Variants in CAPN5 observed in about 807,000 individuals in gnomAD.
CAPN5 encodes the protein calpain 5, also known as calpain-5.
A neutral mutation model predicts 73.0 loss-of-function variants in CAPN5; 54 were observed. That is an observed-to-expected ratio of 0.74 (90% CI 0.59 to 0.93). The LOEUF (loss-of-function observed/expected upper bound fraction) is 0.93, where lower values mean the gene tolerates loss of function less well. Among genes scored for constraint, CAPN5 ranks in the 40% least tolerant of loss-of-function variants. The probability of loss-of-function intolerance (pLI) is 0.00; values close to 1 mark genes in which losing one functional copy is unlikely to be tolerated. For synonymous variants in CAPN5, 335 were observed against 356.9 expected (o/e 0.94, Z 0.69); for missense variants, 785 against 882.9 (o/e 0.89, Z 1.41).
chr11:77,068,697 C>G (rs1949871533), intron 1 of CAPN5, among the ~76,000 whole-genome samples: 1 of 152,132 alleles, frequency 6.6e-6, no homozygotes, highest in Non-Finnish European at 1.5e-5. Context: ...CTTCTGCTCT[C>G]CTCTGCTCCC....
intron 1 of CAPN5, among the ~76,000 whole-genome samples, chr11:77,083,531 C>T (rs1005310329): frequency 2.6e-5 from 4 of 152,268 alleles, no homozygotes; most frequent in African/African-American, 4.8e-5. Flanking sequence ...CTCACTGAGC[C>T]GCAGTTGTAT....
In CAPN5 at chr11:77,123,709, A is replaced by C. The variant is rs1555043322; in HGVS notation, c.1762A>C (p.Lys588Gln). 6.2e-7 allele frequency: 1 copy of C among 1,613,682 alleles called. No individual in the cohort carries two copies. The highest frequency in any genetic ancestry group is 1.7e-5 in the Admixed American group (1 of 59,990). ...TVQVWNHRVL[K>Q]DEFLGQVHLK... ...CCAGGTCTGGAACCACCGAGTGCTG[A>C]AGGATGAATTTCTGGGCCAGGTGCA... Residue 588 changes from lysine to glutamine, a missense_variant, in exon 13 of 13, where the codon AAG becomes CAG. Physicochemically the swap from Lys to Gln is moderately conservative, Grantham distance 53. Coordinates refer to ENST00000648180, the MANE Select transcript of CAPN5 (RefSeq NM_004055.5).
rs782574101 is a variant in CAPN5 at position 77,112,791 on chromosome 11, A to G, written c.500A>G (p.Tyr167Cys). The G allele has an allele frequency of 6.2e-6, 10 of 1,614,154 alleles. No individual in the cohort carries two copies. In the South Asian group the frequency reaches 9.9e-5, roughly 16 times the overall value. The change falls in exon 4 of 13, where the codon TAT (tyrosine) becomes TGT (cysteine). Residue 167 changes from tyrosine (Y) to cysteine (C), a missense_variant. Tyr to Cys is a radical substitution (Grantham distance 194, BLOSUM62 -2). Transcript: ENST00000648180. ...TGGTGCGCCCTAGTGGAGAAGGCCT[A>G]TGCCAAGTAGGTGCCAGCAGCAGGC... Reference protein sequence around the residue: ...EFWCALVEKAYAKLAGCYQAL... With the variant: ...EFWCALVEKACAKLAGCYQAL...
chr11:77,088,090 G>T, intron 2 of CAPN5: 3 of 1,515,180 alleles, frequency 2.0e-6, no homozygotes, highest in Non-Finnish European at 2.6e-6. Context: ...CCCTGTGGGG[G>T]CAACATCCCC....
intron 3 of CAPN5, among the ~76,000 whole-genome samples, chr11:77,109,876 A>G (rs1950394042): frequency 6.6e-6 from 1 of 152,114 alleles, no homozygotes; most frequent in Admixed American, 6.5e-5. Context: ...GAGTTTGACT[A>G]ATGATCCTCC....
chr11:77,100,195 T>C (rs1950270238), intron 3 of CAPN5, among the ~76,000 whole-genome samples: 1 of 152,204 alleles, frequency 6.6e-6, no homozygotes, highest in Non-Finnish European at 1.5e-5. Flanking sequence ...GAGCTTGCTT[T>C]TCTCCTCTGT....
intron 4 of CAPN5, 26 bp downstream of exon 4, chr11:77,112,823 G>C: frequency 6.2e-7 from 1 of 1,609,904 alleles, no homozygotes. Context: ...AGGCAGGTGG[G>C]TGGGAGGCCC....
intron 1 of CAPN5, among the ~76,000 whole-genome samples, chr11:77,083,223 G>A (rs551371293): frequency 6.6e-6 from 1 of 152,328 alleles, no homozygotes; most frequent in African/African-American, 2.4e-5. Flanking sequence ...TGCAGAGCAG[G>A]GGACAACTGC....
In CAPN5 at chr11:77,116,294, G is replaced by A. The variant is rs782229930; in HGVS notation, c.962G>A (p.Gly321Asp). ...ATGGGTGTGACCGTGCAGGACGACG[G>A]TGAGTTCTGGTGAGTGTGTATGTGC... is the stretch of plus-strand genomic sequence containing the variant. ...EKMGVTVQDDGEFWMTFEDVC... is the reference protein window; with the variant it reads ...EKMGVTVQDDDEFWMTFEDVC... Residue 321 changes from glycine to aspartate, a missense_variant, in exon 7 of 13, where the codon GGT becomes GAT. Coordinates refer to ENST00000648180, the MANE Select transcript of CAPN5 (RefSeq NM_004055.5). The A allele has an allele frequency of 6.2e-7, 1 of 1,612,846 alleles. No individual in the cohort carries two copies. The highest frequency in any genetic ancestry group is 1.7e-5 in the Admixed American group (1 of 59,918).
Position 77,093,735 on chromosome 11 carries a change from G to A in CAPN5, c.219G>A (p.Leu73=), listed in dbSNP as rs200482775. The change falls in exon 3 of 13, where the codon CTG becomes CTA. Residue 73 remains leucine, a synonymous_variant. Transcript: ENST00000648180. ...TGGATGGCATCAGCTCCCACGACCT[G>A]CACCAGGGCCAGGTGGGCAACTGCT... ...LFVDGISSHD[L]HQGQVGNCWF... is the part of the protein sequence containing the mutation. 24 of 1,611,770 alleles carry A rather than the reference G, an allele frequency of 1.5e-5. No homozygotes were observed. The African/African-American group carries it at 2.7e-4, about 18-fold the overall frequency.
At chr11:77,096,566 C>T (rs995853380) in intron 3 of CAPN5, among the ~76,000 whole-genome samples, 8 of 152,250 alleles carry the variant, frequency 5.3e-5, no homozygotes, top group African/African-American at 1.9e-4. Flanking sequence ...ATTTTAGCTT[C>T]CCCGACTTGA....
intron 3 of CAPN5, among the ~76,000 whole-genome samples, chr11:77,112,319 G>A (rs1348500116): frequency 6.6e-6 from 1 of 152,082 alleles, no homozygotes; most frequent in Non-Finnish European, 1.5e-5. Context: ...AAGGTTGCAG[G>A]GAGGCATGAG....
chr11:77,122,200 TAGAG>T (rs1950526289), intron 11 of CAPN5, 151 bp downstream of exon 11: 1 of 582,310 alleles, frequency 1.7e-6, no homozygotes, highest in South Asian at 2.3e-5. Flanking sequence ...GCTGGGCACA[TAGAG>T]AGGAAAAGGT....
intron 4 of CAPN5, among the ~76,000 whole-genome samples, chr11:77,113,510 C>G (rs1171273638): frequency 6.6e-6 from 1 of 152,210 alleles, no homozygotes; most frequent in Non-Finnish European, 1.5e-5. Context: ...TCTCTGGTTC[C>G]TCCTGCTAGG....
intron 1 of CAPN5, among the ~76,000 whole-genome samples, chr11:77,083,489 G>A (rs1387869954): frequency 6.6e-6 from 1 of 152,232 alleles, no homozygotes; most frequent in Non-Finnish European, 1.5e-5. Flanking sequence ...CGGACACCAG[G>A]TTTCCAGGGG....
At chr11:77,099,220 G>T (rs1950254548) in intron 3 of CAPN5, among the ~76,000 whole-genome samples, 2 of 92,436 alleles carry the variant, frequency 2.2e-5, no homozygotes, top group Non-Finnish European at 4.2e-5. Flanking sequence ...ATGGCGGCCG[G>T]GCGGAGACGC....
intron 4 of CAPN5, 116 bp from the exon 5 acceptor site, chr11:77,114,126 C>T (rs1396008660): frequency 4.4e-6 from 4 of 901,096 alleles, no homozygotes; most frequent in Admixed American, 1.9e-5. Context: ...TGGCCTGCTG[C>T]GTGACTGTAA....
intron 12 of CAPN5, 71 bp from the exon 13 acceptor site, chr11:77,123,616 CA>C: frequency 7.7e-7 from 1 of 1,296,892 alleles, no homozygotes; most frequent in Non-Finnish European, 1.1e-6. Flanking sequence ...CCACCACCAG[CA>C]CCCCCCATAG....
At position 77,093,729 on chromosome 11, in the gene CAPN5, C is replaced by A; in HGVS notation, c.213C>A (p.His71Gln). 6.2e-7 allele frequency: 1 copy of A among 1,611,172 alleles called. No individual in the cohort carries two copies. The highest frequency in any genetic ancestry group is 8.5e-7 in the Non-Finnish European group (1 of 1,179,640). Residue 71 changes from histidine (H) to glutamine (Q), a missense_variant, in exon 3 of 13, where the codon CAC becomes CAA. By Grantham distance (24) the His-to-Gln change is conservative. Coordinates refer to ENST00000648180, the MANE Select transcript of CAPN5 (RefSeq NM_004055.5). ...PRLFVDGISS[H>Q]DLHQGQVGNC... ...TCTTTGTGGATGGCATCAGCTCCCA[C>A]GACCTGCACCAGGGCCAGGTGGGCA...
Sources: gnomAD v4.1 joint callset for allele counts (sites outside exome capture counted in the v4.1 genomes callset) on GRCh38, gnomAD v4.1.1 for gene constraint, MANE v1.5 for transcripts, NCBI Gene and HGNC (gene_info 2026-07-23, HGNC 2026-07-21) for gene names.